Variants in ADAP1 observed in about 807,000 individuals in gnomAD.
ADAP1 encodes ArfGAP with dual PH domains 1, also known as arf-GAP with dual PH domain-containing protein 1.
A neutral mutation model predicts 54.9 loss-of-function variants in ADAP1; 31 were observed. That is an observed-to-expected ratio of 0.56 (90% CI 0.42 to 0.76). ADAP1 has a LOEUF of 0.76. Ranked by LOEUF, ADAP1 falls within the 30% of genes least tolerant of loss-of-function variation. The pLI is 0.00. For synonymous variants in ADAP1, 313 were observed against 202.6 expected, an observed-to-expected ratio of 1.55 and a Z score of -4.63; for missense variants, 535 against 512.4, an observed-to-expected ratio of 1.04 and a Z score of -0.42.
chr7:930,101 CAAAAAAAAAAAAA>C (rs1170304660), intron 2 of ADAP1, among the ~76,000 whole-genome samples: 3 of 33,296 alleles, frequency 9.0e-5, no homozygotes, highest in Non-Finnish European at 1.5e-4. Context: ...AAGACTGTCT[CAAAAAAAAAAAAA>C]AAAAAAAAAA....
At chr7:921,484 T>C (rs1358620568) in intron 3 of ADAP1, among the ~76,000 whole-genome samples, 7 of 152,188 alleles carry the variant, frequency 4.6e-5, no homozygotes, top group African/African-American at 1.4e-4. Flanking sequence ...CACGACTTGG[T>C]AATTTTTTAT....
chr7:942,214 C>T (rs1485175362), intron 1 of ADAP1, among the ~76,000 whole-genome samples: 9 of 152,136 alleles, frequency 5.9e-5, no homozygotes, highest in East Asian at 1.9e-4. Context: ...GAAAAGTCTC[C>T]GTAACTTTGG....
chr7:918,035 C>G (rs1229017285), intron 4 of ADAP1, among the ~76,000 whole-genome samples: 1 of 152,130 alleles, frequency 6.6e-6, no homozygotes, highest in Non-Finnish European at 1.5e-5. Flanking sequence ...GAGATCTGCC[C>G]GCCTTGACCT....
chr7:906,776 A>C (rs796696676), intron 4 of ADAP1, among the ~76,000 whole-genome samples: 1 of 21,122 alleles, frequency 4.7e-5, no homozygotes, highest in Non-Finnish European at 9.5e-5. Flanking sequence ...CATGGGGGAC[A>C]GGGGACACGG....
intron 4 of ADAP1, among the ~76,000 whole-genome samples, chr7:909,060 G>GC (rs1845598560): frequency 1.3e-5 from 2 of 152,210 alleles, no homozygotes; most frequent in South Asian, 4.1e-4. Context: ...GGAGGCCACT[G>GC]CCCCTCTGCA....
intron 3 of ADAP1, among the ~76,000 whole-genome samples, chr7:924,149 T>A (rs11769242): frequency 3.3e-3 from 88 of 26,724 alleles, no homozygotes; most frequent in African/African-American, 6.4e-3. Flanking sequence ...CGGGTTACAC[T>A]GCAGGTCCAC....
In ADAP1 at chr7:920,838, G is replaced by A. The variant is rs1350873835; in HGVS notation, c.306-788C>T. The A allele has an allele frequency of 9.0e-6, 14 of 1,549,924 alleles. No individual in the cohort carries two copies. Among genetic ancestry groups the A allele is most frequent in the African/African-American group, 2.7e-5 (2 of 72,972 alleles). ...CACGACCCACACACAGGCCCGGCACGGCCCAGGTGCACAGGCAGCCGCCCC... is the reference window on the plus strand; with the variant it reads ...CACGACCCACACACAGGCCCGGCACAGCCCAGGTGCACAGGCAGCCGCCCC... On this transcript the variant is annotated intron_variant, in intron 3 of 10. Transcript: ENST00000265846. This position sits in a 1 kb window ranked among gnomAD's most constrained non-coding sequence, Gnocchi z 4.5.
At position 898,600 on chromosome 7, in the gene ADAP1, C is replaced by G. The variant is rs1844619768; in HGVS notation, c.*321G>C. 2 of 447,040 alleles carry G rather than the reference C, an allele frequency of 4.5e-6. No individual in the cohort carries two copies. Among genetic ancestry groups the G allele is most frequent in the Non-Finnish European group, 8.3e-6 (2 of 239,816 alleles). 27.7% of individuals were successfully genotyped at this position (447,040 alleles called of 1,614,324 possible). Reference sequence around the variant, plus strand: ...GTTCCCACAGCCGTGGTGGGCGGCTCCTGGGGGCTGTGTCTGAGCTCGGGA... The same window carrying G: ...GTTCCCACAGCCGTGGTGGGCGGCTGCTGGGGGCTGTGTCTGAGCTCGGGA... On this transcript the variant is annotated 3_prime_UTR_variant, in exon 11 of 11. Coordinates refer to ENST00000265846, the MANE Select transcript of ADAP1 (RefSeq NM_006869.4).
chr7:920,783 C>T lies in ADAP1; in HGVS notation c.306-733G>A, dbSNP rs767538097. On this transcript the variant is annotated intron_variant, in intron 3 of 10. Transcript: ENST00000265846. The surrounding 1 kb of genome is among the most constrained non-coding windows in gnomAD (Gnocchi z 4.5). The stretch of plus-strand genomic sequence containing the variant: ...CGGCCTCCCCATCCACCGTGACTCA[C>T]TCGAGTGAAGCCAATACCATTGCAG... 3.0e-5 allele frequency: 46 copies of T among 1,549,524 alleles called. No individual in the cohort carries two copies. The highest frequency in any genetic ancestry group is 3.9e-5 in the Non-Finnish European group (45 of 1,146,584).
intron 6 of ADAP1, 33 bp downstream of exon 6, chr7:904,093 G>A (rs146488513): frequency 1.2e-6 from 2 of 1,608,718 alleles, no homozygotes; most frequent in Admixed American, 3.3e-5. Flanking sequence ...ACCCTCCTGT[G>A]CCACCCGGGC....
chr7:906,791 C>CATGG (rs60095382), intron 4 of ADAP1, among the ~76,000 whole-genome samples: 1 of 28,730 alleles, frequency 3.5e-5, no homozygotes, highest in African/African-American at 9.3e-5. Context: ...ACACGGGGGA[C>CATGG]GGGACAGGGG....
intron 4 of ADAP1, among the ~76,000 whole-genome samples, chr7:910,534 C>T (rs951925731): frequency 6.6e-6 from 1 of 152,228 alleles, no homozygotes; most frequent in Non-Finnish European, 1.5e-5. Flanking sequence ...GCAGCGTGAG[C>T]CCCACGCCTG....
intron 2 of ADAP1, 193 bp downstream of exon 2, chr7:935,182 G>A (rs1435816391): frequency 2.5e-6 from 2 of 791,164 alleles, no homozygotes; most frequent in South Asian, 1.5e-5. Context: ...ACCCGGCACG[G>A]GGTGGGTGGA....
chr7:918,085 G>A (rs1569111), intron 4 of ADAP1, among the ~76,000 whole-genome samples: 45,821 of 152,082 alleles, frequency 0.3, 7,392 homozygotes, highest in Middle Eastern at 0.46. Context: ...CGCCAACCGT[G>A]CACAGCTAAT....
At position 898,819 on chromosome 7, in the gene ADAP1, G is replaced by A. The variant is rs1562903645; in HGVS notation, c.*102C>T. 6 of 1,496,194 alleles carry A rather than the reference G, an allele frequency of 4.0e-6. No individual in the cohort carries two copies. The East Asian group carries it at 7.4e-5, about 18-fold the overall frequency. 92.7% of individuals were successfully genotyped at this position (1,496,194 alleles called of 1,614,324 possible). A position where few individuals can be genotyped will look rare whatever the true frequency, so the allele number is the denominator to read the frequency against. On this transcript the variant is annotated 3_prime_UTR_variant, in exon 11 of 11. Transcript: ENST00000265846. The stretch of plus-strand genomic sequence containing the variant: ...CCGCGCCGGGCTGCCCTGAGGAGCA[G>A]GTGGGGCCAGGTGGCCTCAGGACGC...
chr7:900,666 G>T, intron 6 of ADAP1, 50 bp from the exon 7 acceptor site: 1 of 1,377,360 alleles, frequency 7.3e-7, no homozygotes, highest in Non-Finnish European at 1.0e-6. Flanking sequence ...TGCAGCGCTG[G>T]GGTCCCCACA....
chr7:911,066 G>A (rs192410965), intron 4 of ADAP1, among the ~76,000 whole-genome samples: 8 of 152,312 alleles, frequency 5.3e-5, no homozygotes, highest in Admixed American at 5.2e-4. Context: ...CTCCAGGTTG[G>A]TGCGTCTGGG....
chr7:905,750 AGAAG>A (rs1845215806), intron 4 of ADAP1: 3 of 39,164 alleles, frequency 7.7e-5, no homozygotes, highest in South Asian at 9.2e-4. Flanking sequence ...AGGAGAAGGG[AGAAG>A]GGAGAAGGGA....
At chr7:900,654 G>T in intron 6 of ADAP1, 38 bp from the exon 7 acceptor site, 17 of 1,496,316 alleles carry the variant, frequency 1.1e-5, no homozygotes, top group Non-Finnish European at 1.4e-5. Context: ...GGCTGAGGAG[G>T]CTGCAGCGCT....
Sources: allele counts gnomAD v4.1 joint callset (sites outside exome capture counted in the v4.1 genomes callset), GRCh38; gene constraint gnomAD v4.1.1; non-coding constraint Gnocchi (gnomAD v3.1); transcripts MANE v1.5; gene names NCBI Gene and HGNC (gene_info 2026-07-23, HGNC 2026-07-21).